EFHC2: variants seen among roughly 807,000 people sequenced by gnomAD.
The protein encoded by EFHC2 is EF-hand domain-containing family member C2.
Under a neutral mutation model 52.7 loss-of-function variants are expected in EFHC2, and 18 were observed. The ratio of observed to expected loss-of-function variants is 0.34; its 90% CI spans 0.24 to 0.51. EFHC2 has a LOEUF of 0.51. EFHC2 is among the 20% of genes least tolerant of loss of function. The probability of loss-of-function intolerance (pLI) is 0.97; values close to 1 mark genes in which losing one functional copy is unlikely to be tolerated. For missense variants in EFHC2, 513 were observed against 562.5 expected, an observed-to-expected ratio of 0.91 and a Z score of 0.89; for synonymous variants, 203 against 204.1, an observed-to-expected ratio of 0.99 and a Z score of 0.04.
At chrX:44,276,729 A>T (rs1279074236) in intron 2 of EFHC2, among the ~76,000 whole-genome samples, 1 of 112,313 alleles carries the variant, frequency 8.9e-6, no homozygotes, top group Non-Finnish European at 1.9e-5. Flanking sequence ...TTAACATTAG[A>T]TTCTTAATTT....
At chrX:44,227,483 G>T (rs1183095373) in intron 11 of EFHC2, among the ~76,000 whole-genome samples, 1 of 110,733 alleles carries the variant, frequency 9.0e-6, no homozygotes, top group Non-Finnish European at 1.9e-5. Flanking sequence ...TCATTTGAAG[G>T]CCATGCCATC....
intron 1 of EFHC2, among the ~76,000 whole-genome samples, chrX:44,316,526 T>C (rs2037983879): frequency 8.9e-6 from 1 of 111,795 alleles, no homozygotes; most frequent in Non-Finnish European, 1.9e-5. Flanking sequence ...TAGAACTGTG[T>C]GTCAAAGGAT....
At chrX:44,250,150 C>T in intron 5 of EFHC2, 44 bp downstream of exon 5, 1 of 1,186,462 alleles carries the variant, frequency 8.4e-7, no homozygotes, top group African/African-American at 1.7e-5. Flanking sequence ...TGACTAGTCT[C>T]TTGACCCACA....
At chrX:44,180,954 C>A (rs1037384618) in intron 11 of EFHC2, among the ~76,000 whole-genome samples, 7 of 105,645 alleles carry the variant, frequency 6.6e-5, no homozygotes, top group Non-Finnish European at 1.4e-4. Context: ...AATAGCTGGG[C>A]ATGGTGGCAT....
At chrX:44,185,590 G>A (rs1487208774) in intron 11 of EFHC2, among the ~76,000 whole-genome samples, 1 of 110,234 alleles carries the variant, frequency 9.1e-6, no homozygotes, top group Non-Finnish European at 1.9e-5. Flanking sequence ...AGGCTGGAGT[G>A]CAGTGGTGTG....
chrX:44,167,434 A>G (rs778655879), intron 13 of EFHC2, among the ~76,000 whole-genome samples: 1 of 112,086 alleles, frequency 8.9e-6, no homozygotes, highest in East Asian at 2.8e-4. Context: ...TAACTCTGAT[A>G]TTTACTTGTT....
intron 2 of EFHC2, among the ~76,000 whole-genome samples, chrX:44,294,759 T>C (rs1418254116): frequency 9.0e-6 from 1 of 111,550 alleles, no homozygotes; most frequent in Non-Finnish European, 1.9e-5. Flanking sequence ...AAACAGAGTA[T>C]GGTACCTCCA....
Position 44,256,636 on chromosome X carries a change from A to T in EFHC2, c.606+4439T>A, listed in dbSNP as rs771782008. 6.6e-4 allele frequency among the ~76,000 whole-genome samples: 74 copies of T among 111,995 alleles called. 1 individual carries two copies. The South Asian group carries it at 0.022, about 33-fold the overall frequency. Reference sequence around the variant, plus strand: ...CAATAACAAGTTCTGAAATTGAGGCAGTAATTAATAGCCTACCAACCAAAA... The same window carrying T: ...CAATAACAAGTTCTGAAATTGAGGCTGTAATTAATAGCCTACCAACCAAAA... On this transcript the variant is annotated intron_variant, in intron 4 of 14. Transcript: ENST00000420999.
At chrX:44,199,018 C>T (rs906782504) in intron 11 of EFHC2, among the ~76,000 whole-genome samples, 5 of 112,194 alleles carry the variant, frequency 4.5e-5, no homozygotes, top group African/African-American at 1.6e-4. Context: ...ATTTATTTTG[C>T]CCACTTACTA....
In EFHC2 at chrX:44,310,487, C is replaced by A. The variant is rs1327327033; in HGVS notation, c.231+2081G>T. 1.4e-5 allele frequency: 8 copies of A among 561,980 alleles called. No individual in the cohort carries two copies. In the East Asian group the frequency reaches 3.0e-4, roughly 21 times the overall value. The allele number at this position is 561,980 out of a possible 1,213,427, so 46.3% of individuals were successfully genotyped here. On this transcript the variant is annotated intron_variant, in intron 2 of 14. Coordinates refer to ENST00000420999, the MANE Select transcript of EFHC2 (RefSeq NM_025184.4). ...GCGGACGGAGAGCATGGTGGTAGCGCGGCAAAGGAGAGTGAGGGGCCGGGA... is the reference window on the plus strand; with the variant it reads ...GCGGACGGAGAGCATGGTGGTAGCGAGGCAAAGGAGAGTGAGGGGCCGGGA...
intron 11 of EFHC2, among the ~76,000 whole-genome samples, chrX:44,194,535 T>C (rs1309560800): frequency 8.9e-6 from 1 of 112,233 alleles, no homozygotes; most frequent in Non-Finnish European, 1.9e-5. Flanking sequence ...GTACCAAATA[T>C]AGCAGTTTTC....
At chrX:44,311,960 A>C (rs537616917) in intron 2 of EFHC2, among the ~76,000 whole-genome samples, 24 of 112,659 alleles carry the variant, frequency 2.1e-4, no homozygotes, top group South Asian at 1.4e-3. Context: ...TATCCTGTCC[A>C]GTGAAGGAGA....
At chrX:44,209,732 T>C (rs998050985) in intron 11 of EFHC2, among the ~76,000 whole-genome samples, 1 of 108,502 alleles carries the variant, frequency 9.2e-6, no homozygotes, top group Non-Finnish European at 1.9e-5. Flanking sequence ...AGATGAGCAG[T>C]GGGTGGGCAA....
chrX:44,296,371 A>G (rs372351391), intron 2 of EFHC2, among the ~76,000 whole-genome samples: 1 of 112,426 alleles, frequency 8.9e-6, no homozygotes, highest in African/African-American at 3.2e-5. Context: ...GATATTTTTG[A>G]TATGTAAATA....
intron 11 of EFHC2, among the ~76,000 whole-genome samples, chrX:44,209,060 T>C (rs1430822656): frequency 4.8e-5 from 4 of 84,001 alleles, no homozygotes; most frequent in Admixed American, 1.7e-4. Context: ...TGTGTGTGTG[T>C]GTGTGTGTGT....
chrX:44,239,381 A>T (rs1290248910), intron 8 of EFHC2, among the ~76,000 whole-genome samples: 1 of 112,230 alleles, frequency 8.9e-6, no homozygotes, highest in Non-Finnish European at 1.9e-5. Flanking sequence ...CAAACTATTG[A>T]TCCCCAAATA....
intron 1 of EFHC2, among the ~76,000 whole-genome samples, chrX:44,336,029 G>T (rs2038115019): frequency 8.9e-6 from 1 of 112,658 alleles, no homozygotes; most frequent in Non-Finnish European, 1.9e-5. Flanking sequence ...TATACGGATG[G>T]CAAATAAGCA....
At chrX:44,207,009 T>C (rs912285511) in intron 11 of EFHC2, among the ~76,000 whole-genome samples, 4 of 110,781 alleles carry the variant, frequency 3.6e-5, no homozygotes, top group African/African-American at 1.3e-4. Context: ...GTACAAAAAA[T>C]AGGCACGTAC....
At chrX:44,291,234 A>G (rs1227163913) in intron 2 of EFHC2, among the ~76,000 whole-genome samples, 1 of 111,713 alleles carries the variant, frequency 9.0e-6, no homozygotes, top group African/African-American at 3.3e-5. Context: ...TCATTTTTTG[A>G]TAAATTTATG....
Sources: gnomAD v4.1 joint callset for allele counts (sites outside exome capture counted in the v4.1 genomes callset) on GRCh38, gnomAD v4.1.1 for gene constraint, MANE v1.5 for transcripts, NCBI Gene and HGNC (gene_info 2026-07-23, HGNC 2026-07-21) for gene names.